Variants in POTEF observed in about 807,000 individuals in gnomAD.
POTEF encodes ANKRD26-like family C member 1B.
POTEF carries 20 observed loss-of-function variants against 83.2 expected under a neutral mutation model. That is an observed-to-expected ratio of 0.24 (90% CI 0.17 to 0.35). The LOEUF (loss-of-function observed/expected upper bound fraction) is 0.35, where lower values mean the gene tolerates loss of function less well. POTEF is among the 10% of genes least tolerant of loss of function. The pLI, the probability that POTEF is intolerant of heterozygous loss-of-function variation, is 1.00. For missense variants in POTEF, 550 were observed against 1,203.2 expected (o/e 0.46, Z 8.03); for synonymous variants, 196 against 446.4 (o/e 0.44, Z 7.07).
chr2:130,109,163 C>T (rs1684633375), intron 7 of POTEF: 1 of 151,222 alleles, frequency 6.6e-6, no homozygotes, highest in South Asian at 2.1e-4. Flanking sequence ...TTCCTCAGAG[C>T]TAGTCAGCAA....
At chr2:130,105,194 C>T (rs1684487804) in intron 8 of POTEF, among the ~76,000 whole-genome samples, 1 of 148,284 alleles carries the variant, frequency 6.7e-6, no homozygotes, top group Non-Finnish European at 1.5e-5. Context: ...ACTGGGAACA[C>T]AAACATTTAC....
At chr2:130,127,503 C>T (rs1449528871) in intron 2 of POTEF, among the ~76,000 whole-genome samples, 2 of 150,854 alleles carry the variant, frequency 1.3e-5, no homozygotes, top group African/African-American at 4.9e-5. Context: ...ACCACTGCCA[C>T]CGAGGCCCAT....
At chr2:130,083,363 T>C (rs975679007) in intron 15 of POTEF, among the ~76,000 whole-genome samples, 2 of 150,314 alleles carry the variant, frequency 1.3e-5, no homozygotes, top group Non-Finnish European at 3.0e-5. Flanking sequence ...AGAAAGAAGA[T>C]TGAGGACTGA....
intron 2 of POTEF, among the ~76,000 whole-genome samples, chr2:130,125,641 A>C (rs1485424231): frequency 1.3e-5 from 2 of 151,956 alleles, no homozygotes; most frequent in Non-Finnish European, 2.9e-5. Flanking sequence ...TTTGGTTGTG[A>C]ATCTTTGCCT....
intron 3 of POTEF, among the ~76,000 whole-genome samples, chr2:130,116,174 T>A (rs1684838870): frequency 6.6e-6 from 1 of 151,844 alleles, no homozygotes; most frequent in African/African-American, 2.4e-5. Flanking sequence ...CAATAAACTT[T>A]AAGCCAAAGA....
In POTEF at chr2:130,116,629, T is replaced by C. The variant is rs565691650; in HGVS notation, c.522-1301A>G. Among the ~76,000 whole-genome samples, 114 of 95,430 alleles carry C rather than the reference T, an allele frequency of 1.2e-3. 1 individual carries two copies. Among genetic ancestry groups the C allele is most frequent in the Non-Finnish European group, 2.0e-3 (97 of 48,100 alleles). The allele number at this position is 95,430 out of a possible 152,430, so 62.6% of individuals were successfully genotyped here. On this transcript the variant is annotated intron_variant, in intron 3 of 16. Transcript: ENST00000409914. Reference sequence around the variant, plus strand: ...TTTGGTTTTCTCTTCCTTTGTTAGTTTGCTAAGGATAATGGCTTTCAACAC... The same window carrying C: ...TTTGGTTTTCTCTTCCTTTGTTAGTCTGCTAAGGATAATGGCTTTCAACAC...
At position 130,118,779 on chromosome 2, in the gene POTEF, A is replaced by G. The variant is rs570557364; in HGVS notation, c.521+1216T>C. Among the ~76,000 whole-genome samples the G allele has an allele frequency of 2.8e-4, 42 of 151,848 alleles. 2 individuals are homozygous for G. The highest frequency in any genetic ancestry group is 9.0e-4 in the African/African-American group (37 of 41,304). On this transcript the variant is annotated intron_variant, in intron 3 of 16. Transcript: ENST00000409914. ...TCTTCTGGTATGTTTCTCTTTTTGT[A>G]TATTTAAATTTTTTAATCTATACTC...
chr2:130,110,794 A>G (rs1684688458), intron 6 of POTEF, 114 bp from the exon 7 acceptor site: 3 of 932,430 alleles, frequency 3.2e-6, no homozygotes, highest in Non-Finnish European at 4.2e-6. Flanking sequence ...ACATGCACTA[A>G]AAGACATAAG....
rs749499426 is a variant in POTEF at position 130,108,030 on chromosome 2, A to G, written c.1105T>C (p.Ser369Pro). Residue 369 changes from serine to proline, a missense_variant, in exon 8 of 17, where the codon TCT becomes CCT. By Grantham distance (74) the Ser-to-Pro change is moderately conservative (BLOSUM62 -1). Coordinates refer to ENST00000409914, the MANE Select transcript of POTEF (RefSeq NM_001099771.2). ...TTACCTGGATTGCTGTTTTCAGAAG[A>G]GATTTTTAGCATCTGTTTTTCTTTG... ...DYKEKQMLKI[S>P]SENSNPEQDL... 1 of 1,604,774 alleles carries G rather than the reference A, an allele frequency of 6.2e-7. No homozygotes were observed. The highest frequency in any genetic ancestry group is 8.5e-7 in the Non-Finnish European group (1 of 1,178,122).
intron 3 of POTEF, among the ~76,000 whole-genome samples, chr2:130,118,394 T>C (rs554379893): frequency 6.6e-6 from 1 of 152,108 alleles, no homozygotes; most frequent in East Asian, 1.9e-4. Context: ...AATGAGCTTA[T>C]TTTATTATGT....
chr2:130,114,092 T>C (rs1279200822), intron 5 of POTEF, among the ~76,000 whole-genome samples: 2 of 151,714 alleles, frequency 1.3e-5, no homozygotes, highest in African/African-American at 2.4e-5. Context: ...GTTAATTACT[T>C]GATATTCCCT....
intron 9 of POTEF, among the ~76,000 whole-genome samples, 162 bp downstream of exon 9, chr2:130,101,948 A>AATTTATTAAAATAAATTTTAACAATCT (rs1558887304): frequency 9.1e-5 from 12 of 131,722 alleles, no homozygotes; most frequent in Non-Finnish European, 3.2e-5. Flanking sequence ...GAGATTACTG[A>AATTTATTAAAATAAATTTTAACAATCT]ATTTATTAAA....
At chr2:130,125,894 G>C (rs1459055612) in intron 2 of POTEF, among the ~76,000 whole-genome samples, 1 of 149,398 alleles carries the variant, frequency 6.7e-6, no homozygotes, top group Non-Finnish European at 1.5e-5. Flanking sequence ...GGACAAGAGC[G>C]AGACTTCATC....
rs778676174 is a variant in POTEF at position 130,120,307 on chromosome 2, G to A, written c.209C>T (p.Pro70Leu). The A allele has an allele frequency of 3.7e-5, 59 of 1,605,920 alleles. No homozygotes were observed. The highest frequency in any genetic ancestry group is 4.7e-5 in the Non-Finnish European group (55 of 1,179,134). The change falls in exon 3 of 17, where the codon CCC becomes CTC. Residue 70 changes from proline (P) to leucine (L), a missense_variant. Coordinates refer to ENST00000409914, the MANE Select transcript of POTEF (RefSeq NM_001099771.2). ...KMGKWCRHCFPCCRGSGKSNV... is the reference protein window; with the variant it reads ...KMGKWCRHCFLCCRGSGKSNV... Reference sequence around the variant, plus strand: ...GCTCTTGCCACTCCCCCTGCAGCAGGGGAAGCAGTGGCGGCACCACTTGCC... The same window carrying A: ...GCTCTTGCCACTCCCCCTGCAGCAGAGGAAGCAGTGGCGGCACCACTTGCC...
rs1375975883 is a variant in POTEF at position 130,073,652 on chromosome 2, G to T, written c.*592C>A. On this transcript the variant is annotated 3_prime_UTR_variant, in exon 17 of 17. Transcript: ENST00000409914. Reference sequence around the variant, plus strand: ...CTGAAATACTGTGCTTCCTCAATTTGTTTTAAGGTGTGCACTTTTATCCAA... The same window carrying T: ...CTGAAATACTGTGCTTCCTCAATTTTTTTTAAGGTGTGCACTTTTATCCAA... Among the ~76,000 whole-genome samples, 6 of 151,328 alleles carry T rather than the reference G, an allele frequency of 4.0e-5. No individual in the cohort carries two copies. Among genetic ancestry groups the T allele is most frequent in the Non-Finnish European group, 7.4e-5 (5 of 67,732 alleles).
chr2:130,095,060 C>T (rs1684212594), intron 11 of POTEF, among the ~76,000 whole-genome samples: 1 of 64,240 alleles, frequency 1.6e-5, no homozygotes, highest in African/African-American at 6.2e-5. Context: ...TGGAGTCTTG[C>T]TCTGTCACCC....
At chr2:130,105,442 A>G (rs951705186) in intron 8 of POTEF, among the ~76,000 whole-genome samples, 3 of 151,714 alleles carry the variant, frequency 2.0e-5, no homozygotes, top group African/African-American at 7.3e-5. Context: ...ACTACTGCGA[A>G]AACTTCCTTT....
chr2:130,075,037 G>A lies in POTEF; in HGVS notation c.2435C>T (p.Pro812Leu), dbSNP rs764364560. The change falls in exon 17 of 17, where the codon CCT becomes CTT. Residue 812 changes from proline (P) to leucine (L), a missense_variant. Coordinates refer to ENST00000409914, the MANE Select transcript of POTEF (RefSeq NM_001099771.2). The part of the protein sequence containing the change: ...PVLLTEATLN[P>L]KANREKMTQI... ...GGTCATCTTCTCGCGGTTGGCCTTA[G>A]GGTTCAGGGTGGCCTCGGTCAGCAG... The A allele has an allele frequency of 1.9e-6, 3 of 1,613,676 alleles. No homozygotes were observed. Among genetic ancestry groups the A allele is most frequent in the East Asian group, 2.2e-5 (1 of 44,874 alleles).
rs2599869 is a variant in POTEF, at chr2:130,128,318, C to A, written c.-249-454G>T. On this transcript the variant is annotated intron_variant, in intron 1 of 16. Coordinates refer to ENST00000409914, the MANE Select transcript of POTEF (RefSeq NM_001099771.2). ...CCGCAGTGGGTGTGGGGGCCCTGCC[C>A]TGCTCAAGATTGCACCAGGAGGAAC... 3.0e-4 allele frequency among the ~76,000 whole-genome samples: 45 copies of A among 151,978 alleles called. No homozygotes were observed. The South Asian group carries it at 3.1e-3, about 11-fold the overall frequency.
Sources: gnomAD v4.1 joint callset for allele counts (sites outside exome capture counted in the v4.1 genomes callset) on GRCh38, gnomAD v4.1.1 for gene constraint, MANE v1.5 for transcripts, NCBI Gene and HGNC (gene_info 2026-07-23, HGNC 2026-07-21) for gene names.